The following C4orf50 variants were observed in gnomAD, a reference collection of about 807,000 sequenced individuals.
The protein encoded by C4orf50 is chromosome 4 open reading frame 50.
Under a neutral mutation model 77.2 loss-of-function variants are expected in C4orf50, and 80 were observed. The ratio of observed to expected loss-of-function variants is 1.04; its 90% CI spans 0.87 to 1.25. The LOEUF (loss-of-function observed/expected upper bound fraction) is 1.25. Ranked by LOEUF, C4orf50 falls within the 50% of genes most tolerant of loss-of-function variation. The pLI is 0.00. For synonymous variants in C4orf50, 532 were observed against 465.3 expected, an observed-to-expected ratio of 1.14 and a Z score of -1.84; for missense variants, 1,257 against 1,152.9, an observed-to-expected ratio of 1.09 and a Z score of -1.31.
chr4:5,995,634 C>T (rs2108796932), intron 25 of C4orf50, among the ~76,000 whole-genome samples: 1 of 152,288 alleles, frequency 6.6e-6, no homozygotes, highest in South Asian at 2.1e-4. Context: ...CCTCACATAC[C>T]TACTACTCCA....
chr4:6,012,018 G>T (rs545028524), intron 23 of C4orf50, 50 bp from the exon 2 acceptor site: 3 of 398,930 alleles, frequency 7.5e-6, no homozygotes, highest in South Asian at 1.3e-4. Context: ...AGTCAACATG[G>T]CCTAGGGCTT....
rs1716502190 is a variant in C4orf50, at chr4:5,905,329, C to T, written c.*2475-7141G>A. On this transcript the variant is annotated intron_variant, in intron 7 of 7. Transcript: ENST00000324058. This position sits in a 1 kb window ranked among gnomAD's most constrained non-coding sequence, Gnocchi z 5.4. ...TTGAGACAGGAAGATGGTTGCTTGGCTTATAATTTGGCTCACTGGAAAGGA... is the reference window on the plus strand; with the variant it reads ...TTGAGACAGGAAGATGGTTGCTTGGTTTATAATTTGGCTCACTGGAAAGGA... 1 of 152,220 alleles carries T rather than the reference C, an allele frequency of 6.6e-6. No homozygotes were observed. Among genetic ancestry groups the T allele is most frequent in the Admixed American group, 6.5e-5 (1 of 15,280 alleles). The allele number at this position is 152,220 out of a possible 1,614,324, so 9.4% of individuals were successfully genotyped here.
chr4:6,010,855 T>C (rs913978431), intron 24 of C4orf50, among the ~76,000 whole-genome samples: 1 of 152,248 alleles, frequency 6.6e-6, no homozygotes, highest in Non-Finnish European at 1.5e-5. Flanking sequence ...TAAAAGCAGA[T>C]AGTGTCATTT....
downstream of C4orf50, among the ~76,000 whole-genome samples, chr4:5,954,478 T>G (rs1577927222): frequency 1.3e-5 from 2 of 148,290 alleles, no homozygotes; most frequent in Admixed American, 6.7e-5. This position sits in a 1 kb window ranked among gnomAD's most constrained non-coding sequence, Gnocchi z 4.7. Flanking sequence ...ATGAGGGAGG[T>G]GATGTGTGTT....
At chr4:5,926,606 T>C (rs1485957257) in intron 7 of C4orf50, among the ~76,000 whole-genome samples, 1 of 152,136 alleles carries the variant, frequency 6.6e-6, no homozygotes, top group Non-Finnish European at 1.5e-5. Flanking sequence ...TTTTACATCA[T>C]GTGAATTTTG....
intron 26 of C4orf50, among the ~76,000 whole-genome samples, chr4:5,993,859 A>T (rs1233688868): frequency 3.9e-5 from 2 of 51,358 alleles, no homozygotes; most frequent in Admixed American, 1.6e-4. Context: ...AAAATAAATA[A>T]AAAAAAAAAA....
Position 6,008,537 on chromosome 4 carries a change from A to C in C4orf50, c.427-5T>G, listed in dbSNP as rs1722351267. The C allele has an allele frequency of 2.5e-6, 1 of 397,622 alleles. No individual in the cohort carries two copies. The allele number at this position is 397,622 out of a possible 1,614,324, so 24.6% of individuals were successfully genotyped here. On this transcript the variant is annotated splice_polypyrimidine_tract_variant and splice_region_variant and intron_variant, in intron 24 of 33. Transcript: ENST00000531445. The surrounding 1 kb of genome is among the most constrained non-coding windows in gnomAD (Gnocchi z 6.0). ...GGCCACGCTCTCCTCCCGGATCTAC[A>C]AGTTGGCGGTGGATGAGGGCGTCAG...
intron 28 of C4orf50, among the ~76,000 whole-genome samples, chr4:5,982,863 T>C (rs1720667797): frequency 6.6e-6 from 1 of 150,576 alleles, no homozygotes; most frequent in African/African-American, 2.4e-5. Context: ...CAGGGAGAGG[T>C]GGATGAAGAA....
chr4:5,942,033 C>CCAGG (rs1354164813), intron 7 of C4orf50, among the ~76,000 whole-genome samples: 1 of 152,146 alleles, frequency 6.6e-6, no homozygotes, highest in Non-Finnish European at 1.5e-5. Context: ...TTGTGGAATG[C>CCAGG]CAGGCATCTA....
At chr4:5,948,297 G>A (rs769505652) in intron 7 of C4orf50, among the ~76,000 whole-genome samples, 16 of 152,184 alleles carry the variant, frequency 1.1e-4, no homozygotes, top group Non-Finnish European at 2.4e-4. Flanking sequence ...TGGTATTATA[G>A]GACACCTCGA....
rs554143238 is a variant in C4orf50, at chr4:5,958,253, G to A, written c.*1122C>T. ...TCAGGATAGAAGTGCTCTTCTCCTGGGTCGCCCACCTGATTCGGGGCACGA... is the reference window on the plus strand; with the variant it reads ...TCAGGATAGAAGTGCTCTTCTCCTGAGTCGCCCACCTGATTCGGGGCACGA... On this transcript the variant is annotated 3_prime_UTR_variant, in exon 34 of 34. Transcript: ENST00000531445. This position sits in a 1 kb window ranked among gnomAD's most constrained non-coding sequence, Gnocchi z 5.4. 5.9e-5 allele frequency: 9 copies of A among 151,874 alleles called. 1 individual carries two copies. Among genetic ancestry groups the A allele is most frequent in the African/African-American group, 1.7e-4 (7 of 41,390 alleles). 9.4% of individuals were successfully genotyped at this position (151,874 alleles called of 1,614,324 possible).
chr4:5,988,997 G>T (rs2108789966), exon 28 of C4orf50: 1 of 1,535,958 alleles, frequency 6.5e-7, no homozygotes. Context: ...TCCTCTTCAA[G>T]CTCCAAAATT....
At chr4:5,954,280 G>A (rs573465974), downstream of C4orf50, among the ~76,000 whole-genome samples, 412 of 152,228 alleles carry the variant, frequency 2.7e-3, 2 homozygotes, top group Non-Finnish European at 4.1e-3. The surrounding 1 kb of genome is among the most constrained non-coding windows in gnomAD (Gnocchi z 4.7). Context: ...CTGGTCCTGT[G>A]TCCAGCAAAT....
chr4:5,989,684 G>T, exon 28 of C4orf50: 1 of 1,536,142 alleles, frequency 6.5e-7, no homozygotes, highest in South Asian at 1.2e-5. Context: ...GCCTGTGGAT[G>T]ACCATGATCA....
chr4:5,925,591 T>C (rs1011244839), intron 7 of C4orf50, among the ~76,000 whole-genome samples: 1 of 152,238 alleles, frequency 6.6e-6, no homozygotes, highest in African/African-American at 2.4e-5. Context: ...TCCTGTCCTT[T>C]CACCAAGCAT....
chr4:5,997,048 G>C (rs534079178), intron 25 of C4orf50, among the ~76,000 whole-genome samples: 1 of 152,318 alleles, frequency 6.6e-6, no homozygotes, highest in East Asian at 1.9e-4. Context: ...CAAAGGAAAA[G>C]GAGAGGGAAT....
In C4orf50 at chr4:5,900,757, C is replaced by G. The variant is rs762934750; in HGVS notation, c.*2475-2569G>C. The stretch of plus-strand genomic sequence containing the variant: ...AACCTCATCTGGGAATCAGTTTCCT[C>G]GCCTGTAAAATGGGGAGGAGAAGGA... On this transcript the variant is annotated intron_variant, in intron 7 of 7. Coordinates refer to the C4orf50 transcript ENST00000324058. This position sits in a 1 kb window ranked among gnomAD's most constrained non-coding sequence, Gnocchi z 4.3. 6.6e-6 allele frequency: 1 copy of G among 152,180 alleles called. No homozygotes were observed. The highest frequency in any genetic ancestry group is 1.5e-5 in the Non-Finnish European group (1 of 68,042). The allele number at this position is 152,180 out of a possible 1,614,324, so 9.4% of individuals were successfully genotyped here.
At chr4:5,928,758 T>C (rs1717633800) in intron 7 of C4orf50, among the ~76,000 whole-genome samples, 1 of 152,200 alleles carries the variant, frequency 6.6e-6, no homozygotes, top group Admixed American at 6.5e-5. Flanking sequence ...CAAATGAACA[T>C]GTCAAACGCT....
At chr4:6,004,286 T>G (rs200778064) in intron 25 of C4orf50, among the ~76,000 whole-genome samples, 3 of 28,970 alleles carry the variant, frequency 1.0e-4, no homozygotes, top group African/African-American at 2.0e-4. Flanking sequence ...GATGGTGATG[T>G]TGGTGATGAT....
Sources: allele counts gnomAD v4.1 joint callset (sites outside exome capture counted in the v4.1 genomes callset), GRCh38; gene constraint gnomAD v4.1.1; non-coding constraint Gnocchi (gnomAD v3.1); transcripts MANE v1.5; gene names NCBI Gene and HGNC (gene_info 2026-07-23, HGNC 2026-07-21).